TFAP2A: variants seen among roughly 807,000 people sequenced by gnomAD.
TFAP2A encodes the protein transcription factor AP-2 alpha, also known as transcription factor AP-2-alpha.
Under a neutral mutation model 41.5 loss-of-function variants are expected in TFAP2A, and 7 were observed. The ratio of observed to expected loss-of-function variants is 0.17; its 90% confidence interval spans 0.10 to 0.32. The LOEUF (loss-of-function observed/expected upper bound fraction) is 0.32. Ranked by LOEUF, TFAP2A falls within the 10% of genes least tolerant of loss-of-function variation. TFAP2A has a pLI of 1.00. For missense variants in TFAP2A, 416 were observed against 563.3 expected, an observed-to-expected ratio of 0.74 and a Z score of 2.65; for synonymous variants, 247 against 242.8, an observed-to-expected ratio of 1.02 and a Z score of -0.16.
upstream of TFAP2A, chr6:10,418,383 TG>T (rs1434766948): frequency 6.6e-6 from 1 of 152,210 alleles, no homozygotes; most frequent in Non-Finnish European, 1.5e-5. Flanking sequence ...CTCAGATTTT[TG>T]GGGGGAAGTT....
At chr6:10,414,410 C>G (rs1278499844) in intron 1 of TFAP2A, among the ~76,000 whole-genome samples, 2 of 151,846 alleles carry the variant, frequency 1.3e-5, no homozygotes, top group South Asian at 2.1e-4. Context: ...TGTGGGGGGG[C>G]CGTCTCTAAA....
In TFAP2A at chr6:10,410,271, G is replaced by A. The variant is rs779448987; in HGVS notation, c.116C>T (p.Ser39Phe). The change falls in exon 2 of 7, where the codon TCT (serine) becomes TTT (phenylalanine). Residue 39 changes from serine to phenylalanine, a missense_variant. Physicochemically the swap from Ser to Phe is radical, Grantham distance 155 (BLOSUM62 -2). Transcript: ENST00000379613. ...CAGCGGCGGGGCGCTCGTGTAGGGAGATTGACCTACAGTGCCCAGCTGGGG... is the reference window on the plus strand; with the variant it reads ...CAGCGGCGGGGCGCTCGTGTAGGGAAATTGACCTACAGTGCCCAGCTGGGG... Reference protein sequence around the residue: ...RLPQLGTVGQSPYTSAPPLSH... With the variant: ...RLPQLGTVGQFPYTSAPPLSH... 5 of 1,612,188 alleles carry A rather than the reference G, an allele frequency of 3.1e-6. No individual in the cohort carries two copies. The Admixed American group carries it at 8.4e-5, about 27-fold the overall frequency.
chr6:10,418,520 G>A (rs1758320979), upstream of TFAP2A: 1 of 152,262 alleles, frequency 6.6e-6, no homozygotes, highest in Non-Finnish European at 1.5e-5. Flanking sequence ...GACAGGCAGA[G>A]CCTTTTACCG....
chr6:10,414,982 G>A lies in TFAP2A; in HGVS notation c.10C>T (p.Leu4Phe). 6.2e-7 allele frequency: 1 copy of A among 1,614,130 alleles called. No homozygotes were observed. Among genetic ancestry groups the A allele is most frequent in the Non-Finnish European group, 8.5e-7 (1 of 1,180,028 alleles). ...TTGATATTATCCGTCAATTTCCAAA[G>A]CATTTTCATGGATCGGCGTGAACGG... MKMLWKLTDNIKYE... is the reference protein window; with the variant it reads MKMFWKLTDNIKYE... Residue 4 changes from leucine to phenylalanine, a missense_variant, in exon 1 of 7, where the codon CTT becomes TTT. Coordinates refer to ENST00000379613, the MANE Select transcript of TFAP2A (RefSeq NM_001372066.1).
intron 3 of TFAP2A, chr6:10,405,242 T>C (rs1024834399): frequency 1.3e-5 from 2 of 156,880 alleles, no homozygotes; most frequent in African/African-American, 4.8e-5. Flanking sequence ...GCCGACAATT[T>C]AGATGGCTAA....
rs768268849 is a variant in TFAP2A, at chr6:10,408,272, G to A, written c.487-1428C>T. Among the ~76,000 whole-genome samples, 298 of 152,246 alleles carry A rather than the reference G, an allele frequency of 2.0e-3. 1 individual carries two copies. The highest frequency in any genetic ancestry group is 3.1e-3 in the Non-Finnish European group (214 of 67,976). On this transcript the variant is annotated intron_variant, in intron 2 of 6. Coordinates refer to ENST00000379613, the MANE Select transcript of TFAP2A (RefSeq NM_001372066.1). Reference sequence around the variant, plus strand: ...TCTTAAAAGATGGGGGAGGGAGAGGGAAAAACAGCAACTGGGTTTCCTTGT... The same window carrying A: ...TCTTAAAAGATGGGGGAGGGAGAGGAAAAAACAGCAACTGGGTTTCCTTGT...
intron 2 of TFAP2A, 188 bp downstream of exon 2, chr6:10,409,713 G>T: frequency 1.5e-6 from 1 of 655,464 alleles, no homozygotes; most frequent in Admixed American, 2.6e-5. Flanking sequence ...ATTGTTCTGG[G>T]GTAGAACTCG....
At chr6:10,415,497 C>G, upstream of TFAP2A, 1 of 238,452 alleles carries the variant, frequency 4.2e-6, no homozygotes, top group Middle Eastern at 1.6e-3. Flanking sequence ...CCTCTCTTAC[C>G]CCAATTCCGC....
chr6:10,415,194 G>C (rs1226814730), upstream of TFAP2A: 1 of 1,489,582 alleles, frequency 6.7e-7, no homozygotes, highest in Non-Finnish European at 8.9e-7. Context: ...GGAGGAGGGC[G>C]AGGAGAAGGG....
Position 10,398,501 on chromosome 6 carries a change from G to A in TFAP2A, c.1236C>T (p.Asp412=). 1 of 1,614,204 alleles carries A rather than the reference G, an allele frequency of 6.2e-7. No homozygotes were observed. Among genetic ancestry groups the A allele is most frequent in the African/African-American group, 1.3e-5 (1 of 75,048 alleles). Residue 412 remains aspartate (D), a synonymous_variant, in exon 7 of 7, where the codon GAC becomes GAT. Transcript: ENST00000379613. The surrounding 1 kb of genome is among the most constrained non-coding windows in gnomAD (Gnocchi z 5.3). ...TGGGGTTGTTGCTGAGGTACATTTT[G>A]TCCATGGCCTTGAGGGCCTCGGTGA... ...NYLTEALKAM[D]KMYLSNNPNS...
At chr6:10,412,058 A>T (rs985806099) in intron 1 of TFAP2A, 3 of 1,003,784 alleles carry the variant, frequency 3.0e-6, no homozygotes, top group Non-Finnish European at 3.6e-6. Flanking sequence ...TTACACGAAT[A>T]CTTAATAAGG....
upstream of TFAP2A, chr6:10,415,726 C>A (rs1216152753): frequency 6.6e-6 from 1 of 152,410 alleles, no homozygotes; most frequent in South Asian, 2.1e-4. Flanking sequence ...AAACCAAGAC[C>A]GGCGAAGTCA....
rs1405134828 is a variant in TFAP2A at position 10,410,031 on chromosome 6, T to C, written c.356A>G (p.Gln119Arg). Residue 119 changes from glutamine to arginine, a missense_variant, in exon 2 of 7, where the codon CAG (glutamine) becomes CGG (arginine). Gln to Arg is a conservative substitution (Grantham distance 43). Coordinates refer to ENST00000379613, the MANE Select transcript of TFAP2A (RefSeq NM_001372066.1). ...LLHTHRGLPH[Q>R]LSGLDPRRDY... ...CCTGCGAGGATCCAGGCCCGACAGC[T>C]GGTGAGGCAGCCCCCGGTGCGTGTG... 3.1e-6 allele frequency: 5 copies of C among 1,612,922 alleles called. No homozygotes were observed. Among genetic ancestry groups the C allele is most frequent in the South Asian group, 1.1e-5 (1 of 91,044 alleles).
At chr6:10,411,605 A>G in intron 1 of TFAP2A, 3 of 1,614,006 alleles carry the variant, frequency 1.9e-6, no homozygotes, top group Non-Finnish European at 2.5e-6. Context: ...ATCTGCGAAG[A>G]GTCTGGGGTA....
At chr6:10,419,410 C>T (rs574526135), upstream of TFAP2A, 33 of 1,614,112 alleles carry the variant, frequency 2.0e-5, no homozygotes, top group Middle Eastern at 9.9e-4. Flanking sequence ...AAGGCAAACC[C>T]CCCGTACCTG....
intron 2 of TFAP2A, among the ~76,000 whole-genome samples, chr6:10,408,708 A>C (rs1325210739): frequency 1.3e-5 from 2 of 152,222 alleles, no homozygotes; most frequent in African/African-American, 4.8e-5. Flanking sequence ...AAGGGCTGCT[A>C]AACATAACCA....
chr6:10,409,168 A>G (rs1757840425), intron 2 of TFAP2A: 1 of 152,244 alleles, frequency 6.6e-6, no homozygotes, highest in Non-Finnish European at 1.5e-5. Context: ...CTTATTTAGA[A>G]ATCATTTTAA....
chr6:10,400,350 C>T (rs1030148828), intron 6 of TFAP2A, 98 bp downstream of exon 6: 3 of 1,501,578 alleles, frequency 2.0e-6, no homozygotes, highest in Admixed American at 3.4e-5. Flanking sequence ...CTGATTAACA[C>T]AAAAGGAAAA....
chr6:10,418,944 G>A (rs1758336206), upstream of TFAP2A, among the ~76,000 whole-genome samples: 1 of 152,062 alleles, frequency 6.6e-6, no homozygotes, highest in Non-Finnish European at 1.5e-5. Flanking sequence ...TACCAAGAGA[G>A]ACAGGTGCAC....
Sources: allele counts gnomAD v4.1 joint callset (sites outside exome capture counted in the v4.1 genomes callset), GRCh38; gene constraint gnomAD v4.1.1; non-coding constraint Gnocchi (gnomAD v3.1); transcripts MANE v1.5; gene names NCBI Gene and HGNC (gene_info 2026-07-23, HGNC 2026-07-21).